Variants in PRR16 observed in about 807,000 individuals in gnomAD.
The protein encoded by PRR16 is proline rich 16, also known as protein Largen.
PRR16 carries 6 observed loss-of-function variants against 18.2 expected under a neutral mutation model. That is an observed-to-expected ratio of 0.33 (90% CI 0.18 to 0.65). The LOEUF is 0.65. Ranked by LOEUF, PRR16 falls within the 30% of genes least tolerant of loss-of-function variation. PRR16 has a pLI of 0.74. For missense variants in PRR16, 412 were observed against 376.6 expected, an observed-to-expected ratio of 1.09 and a Z score of -0.78; for synonymous variants, 151 against 147.8, an observed-to-expected ratio of 1.02 and a Z score of -0.16.
chr5:120,543,653 G>T (rs1319104357), intron 1 of PRR16, among the ~76,000 whole-genome samples: 1 of 152,150 alleles, frequency 6.6e-6, no homozygotes, highest in Non-Finnish European at 1.5e-5. Context: ...TATCAGAAAT[G>T]TCCATATTAC....
At chr5:120,484,788 G>A (rs903400303) in intron 1 of PRR16, among the ~76,000 whole-genome samples, 16 of 150,536 alleles carry the variant, frequency 1.1e-4, no homozygotes, top group Admixed American at 8.6e-4. Context: ...AATAAAATGT[G>A]TCATATATAT....
downstream of PRR16, chr5:120,687,367 C>G (rs1409597112): frequency 6.6e-6 from 1 of 152,128 alleles, no homozygotes; most frequent in Admixed American, 6.5e-5. Flanking sequence ...ACTTAACATT[C>G]CTCAATATGG....
At chr5:120,585,176 G>C (rs1753398916) in intron 1 of PRR16, among the ~76,000 whole-genome samples, 1 of 152,216 alleles carries the variant, frequency 6.6e-6, no homozygotes, top group South Asian at 2.1e-4. Context: ...TGAGGAAAAT[G>C]TGTTTCTTTA....
At chr5:120,739,438 T>C in the PRR16 span, among the ~76,000 whole-genome samples, 3 of 152,274 alleles carry the variant, frequency 2.0e-5, no homozygotes, top group Non-Finnish European at 1.5e-5. Flanking sequence ...TTTCTTTGTC[T>C]AACTCAACTA....
intron 1 of PRR16, among the ~76,000 whole-genome samples, chr5:120,627,493 C>G (rs1754905597): frequency 6.6e-6 from 1 of 151,966 alleles, no homozygotes; most frequent in Non-Finnish European, 1.5e-5. Flanking sequence ...TTATGATAGT[C>G]TTTGATGTGC....
chr5:120,709,884 G>C, the PRR16 span, among the ~76,000 whole-genome samples: 1 of 152,090 alleles, frequency 6.6e-6, no homozygotes, highest in Admixed American at 6.5e-5. Flanking sequence ...ATTTATCCAT[G>C]ATGGGCACTT....
chr5:120,629,858 A>C (rs1015234476), intron 1 of PRR16, among the ~76,000 whole-genome samples: 2 of 150,728 alleles, frequency 1.3e-5, no homozygotes, highest in African/African-American at 4.8e-5. Context: ...ATATTAACCC[A>C]TTATTTTCTG....
At chr5:120,754,401 T>TA in the PRR16 span, among the ~76,000 whole-genome samples, 172 of 67,192 alleles carry the variant, frequency 2.6e-3, 2 homozygotes, top group African/African-American at 0.011. Context: ...ATGTTATATA[T>TA]TATACTATAT....
intron 1 of PRR16, among the ~76,000 whole-genome samples, chr5:120,555,664 C>T (rs915735929): frequency 1.3e-5 from 2 of 151,848 alleles, no homozygotes; most frequent in Admixed American, 6.6e-5. Flanking sequence ...CAAATGCTAT[C>T]ACTTTGGGGT....
At chr5:120,659,482 T>C (rs1318010852) in intron 1 of PRR16, among the ~76,000 whole-genome samples, 2 of 152,058 alleles carry the variant, frequency 1.3e-5, no homozygotes, top group Non-Finnish European at 2.9e-5. Flanking sequence ...TCAGGGTACA[T>C]GTGATATTTT....
At chr5:120,754,288 A>T in the PRR16 span, among the ~76,000 whole-genome samples, 2 of 33,860 alleles carry the variant, frequency 5.9e-5, no homozygotes, top group East Asian at 2.0e-3. Context: ...ATATAAATAT[A>T]TAATATATAA....
At chr5:120,475,869 T>C (rs1749425191) in intron 1 of PRR16, among the ~76,000 whole-genome samples, 1 of 152,102 alleles carries the variant, frequency 6.6e-6, no homozygotes, top group Non-Finnish European at 1.5e-5. Flanking sequence ...TATATTTTAG[T>C]AGAGAGACAT....
chr5:120,723,335 T>G, the PRR16 span, among the ~76,000 whole-genome samples: 1 of 152,130 alleles, frequency 6.6e-6, no homozygotes. Flanking sequence ...TCAATTGTGC[T>G]TTTATAAAAC....
At chr5:120,520,837 T>C (rs1374221333) in intron 1 of PRR16, among the ~76,000 whole-genome samples, 1 of 152,178 alleles carries the variant, frequency 6.6e-6, no homozygotes, top group African/African-American at 2.4e-5. Context: ...AAAAAAACTC[T>C]TAAATATTGT....
chr5:120,650,480 C>A (rs1292206648), intron 1 of PRR16, among the ~76,000 whole-genome samples: 2 of 131,270 alleles, frequency 1.5e-5, no homozygotes, highest in Admixed American at 1.6e-4. Context: ...CCTCCCCCCT[C>A]CCCCCACTCC....
At chr5:120,741,106 A>G in the PRR16 span, among the ~76,000 whole-genome samples, 1 of 151,994 alleles carries the variant, frequency 6.6e-6, no homozygotes, top group African/African-American at 2.4e-5. Context: ...CTGCAAACAT[A>G]AATGGCATAT....
At chr5:120,738,323 G>A in the PRR16 span, among the ~76,000 whole-genome samples, 1 of 151,910 alleles carries the variant, frequency 6.6e-6, no homozygotes, top group South Asian at 2.1e-4. Flanking sequence ...TGGAGGGTGG[G>A]TATACAAATG....
chr5:120,533,500 A>T (rs1008001688), intron 1 of PRR16, among the ~76,000 whole-genome samples: 1 of 152,212 alleles, frequency 6.6e-6, no homozygotes, highest in East Asian at 1.9e-4. Flanking sequence ...AGGGGTAGGG[A>T]TAAGTGCTAT....
Position 120,578,563 on chromosome 5 carries a change from C to A in PRR16, c.160-107391C>A, listed in dbSNP as rs1753157694. Among the ~76,000 whole-genome samples, 3 of 152,176 alleles carry A rather than the reference C, an allele frequency of 2.0e-5. No individual in the cohort carries two copies. In the South Asian group the frequency reaches 6.2e-4, roughly 32 times the overall value. ...GCTTCCAGCTTCATTCATGTCCCTG[C>A]AAAGGACATAATCTCATTTCTTTTT... On this transcript the variant is annotated intron_variant, in intron 1 of 1. Coordinates refer to ENST00000407149, the MANE Select transcript of PRR16 (RefSeq NM_001300783.2).
Sources: allele counts gnomAD v4.1 joint callset (sites outside exome capture counted in the v4.1 genomes callset), GRCh38; gene constraint gnomAD v4.1.1; transcripts MANE v1.5; gene names NCBI Gene and HGNC (gene_info 2026-07-23, HGNC 2026-07-21).